The following FAM110B variants were observed in gnomAD, a reference collection of about 807,000 sequenced individuals.
FAM110B encodes family with sequence similarity 110 member B, also known as protein FAM110B.
In FAM110B, 6 loss-of-function variants were observed where a neutral mutation model predicts 20.4. The ratio of observed to expected loss-of-function variants is 0.29; its 90% CI spans 0.16 to 0.58. The LOEUF is 0.58. FAM110B is among the 20% of genes least tolerant of loss of function. The pLI is 0.90. For missense variants in FAM110B, 434 were observed against 498.2 expected (o/e 0.87, Z 1.23); for synonymous variants, 226 against 214.1 (o/e 1.06, Z -0.49).
chr8:58,146,647 C>A lies in FAM110B; in HGVS notation c.417C>A (p.His139Gln). The A allele has an allele frequency of 6.2e-7, 1 of 1,613,366 alleles. No homozygotes were observed. Among genetic ancestry groups the A allele is most frequent in the Non-Finnish European group, 8.5e-7 (1 of 1,179,680 alleles). ...CTAGCTCGGGCTCGGGGCACAAGCA[C>A]AGCTCCCGCAACTGGCCGCCCCACC... is the stretch of plus-strand genomic sequence containing the variant. ...EGSSSGSGHKHSSRNWPPHRS... is the reference protein window; with the variant it reads ...EGSSSGSGHKQSSRNWPPHRS... Residue 139 changes from histidine to glutamine, a missense_variant, in exon 4 of 4, where the codon CAC (histidine) becomes CAA (glutamine). His to Gln is a conservative substitution (Grantham distance 24, BLOSUM62 0). Coordinates refer to ENST00000519262, the MANE Select transcript of FAM110B (RefSeq NM_001377989.1).
chr8:58,043,596 G>A (rs911293189), intron 2 of FAM110B, among the ~76,000 whole-genome samples: 3 of 152,046 alleles, frequency 2.0e-5, no homozygotes, highest in Non-Finnish European at 1.5e-5. Context: ...TTTACATTAG[G>A]TATATCTCCT....
chr8:58,056,854 G>A (rs1805555958), intron 2 of FAM110B, among the ~76,000 whole-genome samples: 1 of 152,156 alleles, frequency 6.6e-6, no homozygotes, highest in African/African-American at 2.4e-5. Context: ...GTAACAGCAG[G>A]ATGTAGTCAC....
chr8:58,040,597 C>CA (rs1563348363), intron 2 of FAM110B, among the ~76,000 whole-genome samples: 1 of 152,158 alleles, frequency 6.6e-6, no homozygotes, highest in African/African-American at 2.4e-5. Flanking sequence ...CGGATGCATT[C>CA]ACATCTTAGG....
intron 2 of FAM110B, among the ~76,000 whole-genome samples, chr8:58,033,844 T>G (rs1805020507): frequency 1.3e-5 from 2 of 152,220 alleles, no homozygotes; most frequent in African/African-American, 4.8e-5. Flanking sequence ...GTCTTCCTCC[T>G]GCTGACCGTC....
intron 2 of FAM110B, among the ~76,000 whole-genome samples, chr8:58,062,512 A>G (rs1805678556): frequency 6.6e-6 from 1 of 152,224 alleles, no homozygotes; most frequent in South Asian, 2.1e-4. Context: ...ATATAAATGG[A>G]AATATCTTTC....
chr8:58,113,741 G>C (rs554247449), intron 3 of FAM110B: 4 of 152,172 alleles, frequency 2.6e-5, no homozygotes, highest in African/African-American at 9.7e-5. Flanking sequence ...AGACCACAGC[G>C]ATAGAGAAAT....
intron 2 of FAM110B, among the ~76,000 whole-genome samples, chr8:58,066,400 A>G (rs1346686308): frequency 6.6e-6 from 1 of 152,206 alleles, no homozygotes; most frequent in Non-Finnish European, 1.5e-5. Context: ...TGGCACAGGG[A>G]TGCCAAGTGT....
At chr8:58,065,596 T>C (rs1805743656) in intron 2 of FAM110B, among the ~76,000 whole-genome samples, 1 of 152,204 alleles carries the variant, frequency 6.6e-6, no homozygotes, top group African/African-American at 2.4e-5. Context: ...TAGGTTGTAA[T>C]ATGTCATTAT....
At chr8:58,052,117 A>C (rs1805457360) in intron 2 of FAM110B, among the ~76,000 whole-genome samples, 1 of 152,234 alleles carries the variant, frequency 6.6e-6, no homozygotes, top group Non-Finnish European at 1.5e-5. Context: ...AAACATGGGA[A>C]TCATCTGTGA....
chr8:58,049,811 C>T (rs1418153726), intron 2 of FAM110B, among the ~76,000 whole-genome samples: 1 of 152,148 alleles, frequency 6.6e-6, no homozygotes, highest in Non-Finnish European at 1.5e-5. Context: ...TTAAGTAAAG[C>T]AATGGGAAAA....
chr8:58,111,856 C>G (rs1045176042), intron 3 of FAM110B, among the ~76,000 whole-genome samples: 7 of 152,148 alleles, frequency 4.6e-5, no homozygotes, highest in Non-Finnish European at 1.0e-4. Flanking sequence ...TGGCATTGGG[C>G]TAGGTACTTT....
intron 3 of FAM110B, among the ~76,000 whole-genome samples, chr8:58,124,938 G>T (rs547649540): frequency 3.4e-4 from 52 of 152,262 alleles, no homozygotes; most frequent in African/African-American, 1.2e-3. Flanking sequence ...TTGTTCTTTG[G>T]TGCTGATTTT....
chr8:58,132,548 T>G (rs1016603080), intron 3 of FAM110B, among the ~76,000 whole-genome samples: 1 of 152,172 alleles, frequency 6.6e-6, no homozygotes, highest in Non-Finnish European at 1.5e-5. Context: ...TTCAGCTCAC[T>G]GACCGCAGGC....
intron 3 of FAM110B, among the ~76,000 whole-genome samples, chr8:58,122,639 T>C (rs554696297): frequency 6.6e-6 from 1 of 152,246 alleles, no homozygotes; most frequent in African/African-American, 2.4e-5. Flanking sequence ...GTTTTTTAAG[T>C]GCGTTTGCTT....
At chr8:58,031,186 C>T (rs894919920) in intron 1 of FAM110B, 6 of 152,164 alleles carry the variant, frequency 3.9e-5, no homozygotes, top group African/African-American at 1.2e-4. Flanking sequence ...CAAATATTAA[C>T]GATGTTTCTG....
intron 2 of FAM110B, among the ~76,000 whole-genome samples, chr8:58,052,450 T>C (rs777524689): frequency 6.6e-6 from 1 of 152,172 alleles, no homozygotes; most frequent in Non-Finnish European, 1.5e-5. Flanking sequence ...AACTTACTTA[T>C]CAATAAATAT....
intron 1 of FAM110B, among the ~76,000 whole-genome samples, chr8:58,011,714 T>C (rs1804537606): frequency 6.6e-6 from 1 of 152,144 alleles, no homozygotes; most frequent in African/African-American, 2.4e-5. Context: ...AGCAAACCAA[T>C]ATTGCCAGTA....
At chr8:58,042,144 G>C (rs1007469854) in intron 2 of FAM110B, among the ~76,000 whole-genome samples, 4 of 152,294 alleles carry the variant, frequency 2.6e-5, no homozygotes, top group Middle Eastern at 3.4e-3. Context: ...ACTGTTATTG[G>C]ACTGAAAGCT....
At chr8:58,144,017 C>T (rs1255123537) in intron 3 of FAM110B, among the ~76,000 whole-genome samples, 1 of 152,216 alleles carries the variant, frequency 6.6e-6, no homozygotes, top group Non-Finnish European at 1.5e-5. Flanking sequence ...CACGATTTTA[C>T]AGTACGAAGG....
Sources: gnomAD v4.1 joint callset for allele counts (sites outside exome capture counted in the v4.1 genomes callset) on GRCh38, gnomAD v4.1.1 for gene constraint, MANE v1.5 for transcripts, NCBI Gene and HGNC (gene_info 2026-07-23, HGNC 2026-07-21) for gene names.